MOB1B: variants seen among roughly 807,000 people sequenced by gnomAD.
MOB1B encodes MOB kinase activator 1B, also known as MOB1 Mps One Binder homolog B.
MOB1B carries 19 observed loss-of-function variants against 24.4 expected under a neutral mutation model. That is an observed-to-expected ratio of 0.78 (90% CI 0.54 to 1.14). The LOEUF (loss-of-function observed/expected upper bound fraction) is 1.14. Among genes scored for constraint, MOB1B ranks in the 50% most tolerant of loss-of-function variants. The probability of loss-of-function intolerance (pLI) is 0.00; values close to 1 mark genes in which losing one functional copy is unlikely to be tolerated. For missense variants in MOB1B, 243 were observed against 259.6 expected (o/e 0.94, Z 0.44); for synonymous variants, 76 against 82.1 (o/e 0.93, Z 0.40).
chr4:70,923,823 G>A (rs186275422), intron 1 of MOB1B, among the ~76,000 whole-genome samples: 6 of 151,412 alleles, frequency 4.0e-5, no homozygotes, highest in South Asian at 2.1e-4. Flanking sequence ...GGTCGTGGGC[G>A]CCTGTAGTCC....
At chr4:70,906,098 C>T (rs988208659) in intron 1 of MOB1B, among the ~76,000 whole-genome samples, 5 of 150,980 alleles carry the variant, frequency 3.3e-5, no homozygotes, top group South Asian at 4.2e-4. Context: ...AGGCCGGTCG[C>T]GGGGCATAAT....
At chr4:70,952,981 C>G (rs546937638) in intron 1 of MOB1B, among the ~76,000 whole-genome samples, 3 of 127,422 alleles carry the variant, frequency 2.4e-5, no homozygotes, top group Non-Finnish European at 4.7e-5. Context: ...CTCGCCCTGT[C>G]GCCCAGCCTG....
intron 1 of MOB1B, among the ~76,000 whole-genome samples, chr4:70,910,495 A>G (rs545437460): frequency 6.6e-6 from 1 of 151,846 alleles, no homozygotes; most frequent in South Asian, 2.1e-4. Context: ...CTTAAAGGTG[A>G]TATTCAAGTG....
intron 5 of MOB1B, among the ~76,000 whole-genome samples, chr4:70,980,821 C>T (rs1445323201): frequency 6.6e-6 from 1 of 152,092 alleles, no homozygotes; most frequent in African/African-American, 2.4e-5. Flanking sequence ...TACCTCTAGG[C>T]CTGAGAGTTT....
chr4:70,957,365 G>C (rs1738107311), intron 1 of MOB1B, among the ~76,000 whole-genome samples: 1 of 151,440 alleles, frequency 6.6e-6, no homozygotes, highest in African/African-American at 2.4e-5. Context: ...AATGGACAGG[G>C]GTGACCCCTA....
At chr4:70,957,423 G>A (rs536629325) in intron 1 of MOB1B, among the ~76,000 whole-genome samples, 6 of 150,446 alleles carry the variant, frequency 4.0e-5, no homozygotes, top group Non-Finnish European at 8.9e-5. Flanking sequence ...AAAATCGCTC[G>A]CTCTCTCTCT....
chr4:70,976,659 AGTT>A (rs1373582166), intron 4 of MOB1B: 5 of 966,040 alleles, frequency 5.2e-6, no homozygotes, highest in Admixed American at 1.2e-4. Context: ...CAATATAAAT[AGTT>A]GTTGTTATGG....
At chr4:70,937,400 A>G (rs993013911) in intron 1 of MOB1B, among the ~76,000 whole-genome samples, 7 of 151,816 alleles carry the variant, frequency 4.6e-5, no homozygotes, top group Non-Finnish European at 1.0e-4. Context: ...AGCATTTTCA[A>G]TTCTAGGAAA....
intron 2 of MOB1B, among the ~76,000 whole-genome samples, chr4:70,962,062 A>G (rs1459487025): frequency 6.6e-6 from 1 of 152,114 alleles, no homozygotes; most frequent in Non-Finnish European, 1.5e-5. Context: ...ACAAAAATAT[A>G]AAATAAAATA....
intron 1 of MOB1B, among the ~76,000 whole-genome samples, chr4:70,952,192 A>G (rs1737836647): frequency 6.6e-6 from 1 of 152,106 alleles, no homozygotes; most frequent in Non-Finnish European, 1.5e-5. Flanking sequence ...GTTTTAAATA[A>G]AGGACTGATC....
intron 5 of MOB1B, among the ~76,000 whole-genome samples, chr4:70,981,448 C>T (rs962787438): frequency 2.0e-5 from 3 of 152,256 alleles, no homozygotes. Context: ...CTCATTTGTT[C>T]TTCACAGGAC....
intron 1 of MOB1B, among the ~76,000 whole-genome samples, chr4:70,935,761 T>C (rs1208177401): frequency 1.3e-5 from 2 of 151,834 alleles, no homozygotes; most frequent in Admixed American, 6.6e-5. Context: ...CTGCAACTTC[T>C]GCCTCCTGAG....
At chr4:70,975,672 A>G in intron 4 of MOB1B, 2 of 956,652 alleles carry the variant, frequency 2.1e-6, no homozygotes, top group Non-Finnish European at 2.5e-6. Context: ...AATTATGATC[A>G]TCATTGAGAA....
chr4:70,930,927 T>C (rs1736866430), intron 1 of MOB1B, among the ~76,000 whole-genome samples: 1 of 151,736 alleles, frequency 6.6e-6, no homozygotes, highest in African/African-American at 2.4e-5. Flanking sequence ...GTATTAGCAC[T>C]AAAGGGACTT....
intron 1 of MOB1B, among the ~76,000 whole-genome samples, chr4:70,918,615 G>A (rs899278964): frequency 6.6e-6 from 1 of 151,654 alleles, no homozygotes; most frequent in Non-Finnish European, 1.5e-5. Context: ...AGTAGGTTGC[G>A]AAAATTTTCT....
intron 2 of MOB1B, among the ~76,000 whole-genome samples, chr4:70,969,277 T>C (rs1351977441): frequency 6.6e-6 from 1 of 152,192 alleles, no homozygotes; most frequent in African/African-American, 2.4e-5. Flanking sequence ...ACCACAGGCA[T>C]GCACCACCAT....
intron 1 of MOB1B, 21 bp downstream of exon 1, chr4:70,902,571 C>G (rs770581767): frequency 2.1e-5 from 32 of 1,549,492 alleles, no homozygotes; most frequent in Non-Finnish European, 2.4e-5. Flanking sequence ...AGGCCCCGCA[C>G]GCGCCGGCTT....
chr4:70,963,225 A>G (rs1035915491), intron 2 of MOB1B, among the ~76,000 whole-genome samples: 1 of 151,884 alleles, frequency 6.6e-6, no homozygotes, highest in Non-Finnish European at 1.5e-5. Context: ...TTAGCCGGAG[A>G]TGTACGTACA....
upstream of MOB1B, chr4:70,902,331 A>G: frequency 1.5e-6 from 1 of 653,888 alleles, no homozygotes. Context: ...GGAGTGATTC[A>G]AGACGAGCGC....
Sources: gnomAD v4.1 joint callset for allele counts (sites outside exome capture counted in the v4.1 genomes callset) on GRCh38, gnomAD v4.1.1 for gene constraint, MANE v1.5 for transcripts, NCBI Gene and HGNC (gene_info 2026-07-23, HGNC 2026-07-21) for gene names.